PCDH7: variants seen among roughly 807,000 people sequenced by gnomAD.
PCDH7 encodes protocadherin 7.
PCDH7 carries 17 observed loss-of-function variants against 58.9 expected under a neutral mutation model. The ratio of observed to expected loss-of-function variants is 0.29; its 90% CI spans 0.20 to 0.43. PCDH7 has a LOEUF of 0.43. Ranked by LOEUF, PCDH7 falls within the 20% of genes least tolerant of loss-of-function variation. The pLI is 1.00. For synonymous variants in PCDH7, 664 were observed against 616.4 expected (o/e 1.08, Z -1.14); for missense variants, 1,274 against 1,441.0 (o/e 0.88, Z 1.88).
At chr4:30,920,404 C>T (rs1350775512) in intron 2 of PCDH7, 35 bp downstream of exon 2, 32 of 1,334,642 alleles carry the variant, frequency 2.4e-5, no homozygotes, top group Admixed American at 5.8e-5. Context: ...CACATAATCA[C>T]GCTAGTGAGC....
downstream of PCDH7, among the ~76,000 whole-genome samples, chr4:30,737,336 TG>T (rs1297892685): frequency 1.4e-4 from 21 of 152,306 alleles, no homozygotes; most frequent in East Asian, 3.7e-3. Flanking sequence ...TTTACACTTT[TG>T]GGGGCGTTTT....
chr4:30,948,550 C>T (rs187297392), intron 2 of PCDH7, among the ~76,000 whole-genome samples: 6 of 152,108 alleles, frequency 3.9e-5, no homozygotes, highest in Admixed American at 3.3e-4. Flanking sequence ...ATATTACATG[C>T]AATATCAATT....
intron 1 of PCDH7, among the ~76,000 whole-genome samples, chr4:30,897,049 C>A (rs377566849): frequency 2.6e-5 from 4 of 151,554 alleles, no homozygotes; most frequent in African/African-American, 9.7e-5. Context: ...GGACTACAGG[C>A]GCCCACCACC....
At chr4:31,107,591 T>C (rs934319530) in intron 3 of PCDH7, among the ~76,000 whole-genome samples, 3 of 152,190 alleles carry the variant, frequency 2.0e-5, no homozygotes, top group Admixed American at 6.5e-5. Context: ...CTGAGTCAGG[T>C]ACCACTGAGT....
intron 1 of PCDH7, among the ~76,000 whole-genome samples, chr4:30,758,940 G>GCTT (rs1553880707): frequency 5.2e-4 from 64 of 124,184 alleles, no homozygotes; most frequent in African/African-American, 5.5e-4. Context: ...TTGAAGAAGT[G>GCTT]TTTTTTTTTT....
intron 1 of PCDH7, among the ~76,000 whole-genome samples, chr4:30,918,961 T>G (rs565240809): frequency 2.4e-3 from 360 of 152,274 alleles, no homozygotes; most frequent in Non-Finnish European, 3.8e-3. Context: ...ATCCTTAATA[T>G]TTCTAAAATT....
At chr4:30,832,875 A>T (rs1224021339) in intron 1 of PCDH7, among the ~76,000 whole-genome samples, 2 of 152,218 alleles carry the variant, frequency 1.3e-5, no homozygotes, top group Non-Finnish European at 2.9e-5. Flanking sequence ...TAGTAGATTC[A>T]GTGCAGCAGA....
At chr4:30,747,773 G>A (rs1033394513) in intron 1 of PCDH7, among the ~76,000 whole-genome samples, 1 of 152,192 alleles carries the variant, frequency 6.6e-6, no homozygotes, top group African/African-American at 2.4e-5. Flanking sequence ...TCCTGGATTA[G>A]GATGTGGACA....
intron 1 of PCDH7, among the ~76,000 whole-genome samples, chr4:30,834,294 G>T (rs977866807): frequency 2.6e-5 from 4 of 152,054 alleles, no homozygotes; most frequent in African/African-American, 9.7e-5. Context: ...TGAACAAAGG[G>T]CCCTGCTTTT....
chr4:30,897,952 C>G (rs1465494769), intron 1 of PCDH7, among the ~76,000 whole-genome samples: 2 of 152,170 alleles, frequency 1.3e-5, no homozygotes, highest in Non-Finnish European at 2.9e-5. Flanking sequence ...TTGTAATGGT[C>G]TGCTTTACTG....
chr4:30,977,841 A>G (rs748244657), intron 3 of PCDH7, among the ~76,000 whole-genome samples: 1 of 152,152 alleles, frequency 6.6e-6, no homozygotes, highest in Non-Finnish European at 1.5e-5. Flanking sequence ...TTAATGTTTT[A>G]AGAATTCTGA....
chr4:31,071,509 G>A (rs892126109), intron 3 of PCDH7, among the ~76,000 whole-genome samples: 4 of 152,012 alleles, frequency 2.6e-5, no homozygotes, highest in Non-Finnish European at 5.9e-5. Context: ...TCATAATGAT[G>A]CTTTGGAATT....
intron 3 of PCDH7, among the ~76,000 whole-genome samples, chr4:31,073,299 A>G (rs1758705300): frequency 6.6e-6 from 1 of 152,132 alleles, no homozygotes; most frequent in Non-Finnish European, 1.5e-5. Context: ...AGCACACATA[A>G]ATAAACAAAA....
At chr4:30,976,425 G>A (rs939966614) in intron 3 of PCDH7, among the ~76,000 whole-genome samples, 3 of 132,204 alleles carry the variant, frequency 2.3e-5, no homozygotes, top group African/African-American at 9.5e-5. Context: ...TTTTGAGACG[G>A]AGTCTCACCC....
In PCDH7 at chr4:30,948,254, T is replaced by C. The variant is rs1326794217; in HGVS notation, c.288-1866T>C. ...TTAAAGCCAAAGGAAGAATTTTCTA[T>C]ACATAAAAGTCTTAGCATATTAGCA... On this transcript the variant is annotated intron_variant, in intron 2 of 3. Transcript: ENST00000509759. Among the ~76,000 whole-genome samples, 3 of 149,864 alleles carry C rather than the reference T, an allele frequency of 2.0e-5. No individual in the cohort carries two copies. The East Asian group carries it at 5.9e-4, about 29-fold the overall frequency.
In PCDH7 at chr4:30,896,889, CTTTTT is replaced by C. The variant is rs71190474; in HGVS notation, c.71-23235_71-23231del. Among the ~76,000 whole-genome samples the C allele has an allele frequency of 1.8e-4, 5 of 27,346 alleles. No individual in the cohort carries two copies. The South Asian group carries it at 5.4e-3, about 29-fold the overall frequency. 17.9% of individuals were successfully genotyped at this position (27,346 alleles called of 152,430 possible). A position where few individuals can be genotyped will look rare whatever the true frequency, so the allele number is the denominator to read the frequency against. ...GTCTTGTGCCCCTCCTAGTTCTTTG[CTTTTT>C]TTTTTTTTTTTTTTTTTTTTTTTTT... On this transcript the variant is annotated intron_variant, in intron 1 of 3. Transcript: ENST00000509759.
At chr4:30,957,519 G>A (rs1403546133) in intron 3 of PCDH7, among the ~76,000 whole-genome samples, 1 of 152,080 alleles carries the variant, frequency 6.6e-6, no homozygotes, top group Non-Finnish European at 1.5e-5. Context: ...GATAAGCTTG[G>A]CCGAAATGCA....
chr4:30,726,979 A>G lies in PCDH7; in HGVS notation c.3174+2383A>G, dbSNP rs948140462. On this transcript the variant is annotated intron_variant, in intron 1 of 1. Coordinates refer to ENST00000361762, the Ensembl canonical transcript of PCDH7. The stretch of plus-strand genomic sequence containing the variant: ...TTATTTTTAAAATATATGACCTTTA[A>G]TTTTTACAGAACTGCCAAAATATAT... Among the ~76,000 whole-genome samples the G allele has an allele frequency of 2.0e-5, 3 of 151,924 alleles. No homozygotes were observed. In the East Asian group the frequency reaches 5.8e-4, roughly 29 times the overall value.
At chr4:31,026,395 G>A (rs1754431032) in intron 3 of PCDH7, among the ~76,000 whole-genome samples, 1 of 152,206 alleles carries the variant, frequency 6.6e-6, no homozygotes, top group South Asian at 2.1e-4. Context: ...CAGGCTAGCA[G>A]CAAGGGAAGT....
Sources: allele counts gnomAD v4.1 joint callset (sites outside exome capture counted in the v4.1 genomes callset), GRCh38; gene constraint gnomAD v4.1.1; transcripts MANE v1.5; gene names NCBI Gene and HGNC (gene_info 2026-07-23, HGNC 2026-07-21).